The following PRKAR1A variants were observed in gnomAD, a reference collection of about 807,000 sequenced individuals.
The protein encoded by PRKAR1A is protein kinase cAMP-dependent type I regulatory subunit alpha.
A neutral mutation model predicts 52.0 loss-of-function variants in PRKAR1A; 3 were observed. The observed-to-expected ratio is 0.06, with a 90% confidence interval of 0.03 to 0.15. The LOEUF (loss-of-function observed/expected upper bound fraction) is 0.15. Among genes scored for constraint, PRKAR1A ranks in the 10% least tolerant of loss-of-function variants. The pLI is 1.00. For missense variants in PRKAR1A, 240 were observed against 477.4 expected (o/e 0.50, Z 4.63); for synonymous variants, 188 against 168.4 (o/e 1.12, Z -0.90).
chr17:68,506,660 T>A, the PRKAR1A span, among the ~76,000 whole-genome samples: 1 of 152,056 alleles, frequency 6.6e-6, no homozygotes, highest in Non-Finnish European at 1.5e-5. Context: ...ATTTTTGTAT[T>A]TTTAGTAGAG....
At chr17:68,517,968 C>A (rs187193308) in intron 2 of PRKAR1A, among the ~76,000 whole-genome samples, 1 of 152,148 alleles carries the variant, frequency 6.6e-6, no homozygotes, top group Non-Finnish European at 1.5e-5. Context: ...GTATAGACCC[C>A]GTGCAAATCC....
intron 11 of PRKAR1A, chr17:68,542,848 C>T: frequency 6.6e-7 from 1 of 1,504,492 alleles, no homozygotes; most frequent in Non-Finnish European, 9.2e-7. Context: ...GAGGGATGAT[C>T]AGGGAGTGAG....
the PRKAR1A span, among the ~76,000 whole-genome samples, chr17:68,438,825 C>T: frequency 2.0e-5 from 3 of 152,214 alleles, no homozygotes; most frequent in Non-Finnish European, 2.9e-5. Flanking sequence ...GTCTCGAACT[C>T]GTGACCTCAG....
chr17:68,533,801 C>G (rs931594843), downstream of PRKAR1A, among the ~76,000 whole-genome samples: 5 of 152,348 alleles, frequency 3.3e-5, no homozygotes, highest in African/African-American at 9.6e-5. Context: ...GGCATGATCA[C>G]TGCAGCCTCT....
downstream of PRKAR1A, among the ~76,000 whole-genome samples, chr17:68,534,886 G>A (rs749514143): frequency 5.9e-5 from 9 of 152,190 alleles, no homozygotes; most frequent in Non-Finnish European, 1.0e-4. Flanking sequence ...ACCTAACCCT[G>A]TATTTCCCCT....
intron 11 of PRKAR1A, among the ~76,000 whole-genome samples, chr17:68,550,501 C>T (rs951567890): frequency 6.6e-6 from 1 of 151,058 alleles, no homozygotes; most frequent in African/African-American, 2.4e-5. Flanking sequence ...CTGCCTCAGC[C>T]TCTCGAGTAG....
At chr17:68,418,337 C>G in the PRKAR1A span, among the ~76,000 whole-genome samples, 7 of 152,188 alleles carry the variant, frequency 4.6e-5, no homozygotes, top group Admixed American at 1.3e-4. Context: ...TCCCTCAGTC[C>G]TGGGACACAG....
chr17:68,459,531 T>A, the PRKAR1A span, among the ~76,000 whole-genome samples: 1 of 152,120 alleles, frequency 6.6e-6, no homozygotes, highest in African/African-American at 2.4e-5. Context: ...TGGGAAAAGA[T>A]CTAGAAGTCT....
the PRKAR1A span, chr17:68,421,696 CCATT>C: frequency 8.7e-6 from 14 of 1,603,334 alleles, no homozygotes; most frequent in Non-Finnish European, 1.2e-5. Flanking sequence ...CAATTGCACT[CCATT>C]CTTCCGCCTT....
the PRKAR1A span, among the ~76,000 whole-genome samples, chr17:68,431,217 G>C: frequency 6.6e-6 from 1 of 152,192 alleles, no homozygotes; most frequent in African/African-American, 2.4e-5. Context: ...GATGGTCCAG[G>C]CAGGAGCTAG....
the PRKAR1A span, among the ~76,000 whole-genome samples, chr17:68,497,379 G>T: frequency 6.2e-3 from 944 of 152,196 alleles, 16 homozygotes; most frequent in African/African-American, 0.022. Context: ...GCTAGTCCCC[G>T]TTCTAGAGGG....
intron 2 of PRKAR1A, chr17:68,515,863 G>T: frequency 2.4e-6 from 1 of 408,276 alleles, no homozygotes; most frequent in Non-Finnish European, 4.5e-6. Context: ...AACTATAACA[G>T]ATAAAACTGA....
At chr17:68,428,504 A>G in the PRKAR1A span, 2 of 225,666 alleles carry the variant, frequency 8.9e-6, no homozygotes. Context: ...AAGTGCCGGG[A>G]TTACAGGTGT....
At chr17:68,447,775 G>A in the PRKAR1A span, among the ~76,000 whole-genome samples, 9 of 152,088 alleles carry the variant, frequency 5.9e-5, no homozygotes, top group East Asian at 7.7e-4. Flanking sequence ...GGTGGATCAC[G>A]AGGTCAGGAG....
the PRKAR1A span, among the ~76,000 whole-genome samples, chr17:68,504,373 A>G: frequency 3.9e-5 from 6 of 152,220 alleles, no homozygotes; most frequent in African/African-American, 1.2e-4. Flanking sequence ...AGGCTGAGGC[A>G]TGAGAATCAC....
the PRKAR1A span, among the ~76,000 whole-genome samples, chr17:68,429,498 A>T: frequency 9.2e-5 from 14 of 152,336 alleles, no homozygotes; most frequent in East Asian, 2.7e-3. Context: ...TAAAATTCCC[A>T]TGCCAACTTC....
the PRKAR1A span, among the ~76,000 whole-genome samples, chr17:68,446,565 T>C: frequency 1.3e-5 from 2 of 152,196 alleles, no homozygotes; most frequent in Non-Finnish European, 2.9e-5. Context: ...TTCTCAAAAT[T>C]GATGATAAAT....
chr17:68,449,454 G>A, the PRKAR1A span, among the ~76,000 whole-genome samples: 1 of 152,186 alleles, frequency 6.6e-6, no homozygotes, highest in African/African-American at 2.4e-5. Flanking sequence ...GGGAAACACT[G>A]TAATATGATT....
chr17:68,428,002 C>G, the PRKAR1A span, among the ~76,000 whole-genome samples: 1 of 152,036 alleles, frequency 6.6e-6, no homozygotes, highest in African/African-American at 2.4e-5. Flanking sequence ...GTGATCCCCC[C>G]ACCTCTGCCT....
Sources: allele counts gnomAD v4.1 joint callset (sites outside exome capture counted in the v4.1 genomes callset), GRCh38; gene constraint gnomAD v4.1.1; transcripts MANE v1.5; gene names NCBI Gene and HGNC (gene_info 2026-07-23, HGNC 2026-07-21).